The following CPVL variants were observed in gnomAD, a reference collection of about 807,000 sequenced individuals.
CPVL encodes carboxypeptidase vitellogenic like, also known as probable serine carboxypeptidase CPVL.
A neutral mutation model predicts 63.7 loss-of-function variants in CPVL; 51 were observed. The ratio of observed to expected loss-of-function variants is 0.80; its 90% CI spans 0.64 to 1.01. The LOEUF is 1.01. Among genes scored for constraint, CPVL ranks in the 50% least tolerant of loss-of-function variants. The probability of loss-of-function intolerance (pLI) is 0.00; values close to 1 mark genes in which losing one functional copy is unlikely to be tolerated. For missense variants in CPVL, 530 were observed against 573.1 expected (o/e 0.92, Z 0.77); for synonymous variants, 195 against 206.0 (o/e 0.95, Z 0.46).
chr7:29,123,612 AAAAAAAAAAAAAAAAAATAT>A (rs1180640594), intron 1 of CPVL, among the ~76,000 whole-genome samples: 226 of 94,520 alleles, frequency 2.4e-3, no homozygotes, highest in African/African-American at 7.6e-3. Context: ...AAAAAAAAAA[AAAAAAAAAAAAAAAAAATAT>A]ATATATATAT....
intron 12 of CPVL, chr7:29,011,300 A>G (rs56374836): frequency 0.091 from 13,895 of 152,398 alleles, 1,904 homozygotes; most frequent in African/African-American, 0.3. Flanking sequence ...CTGGCTGGGC[A>G]TGGCGGCTCA....
chr7:29,004,705 C>T (rs1784997533), intron 12 of CPVL, among the ~76,000 whole-genome samples: 1 of 152,080 alleles, frequency 6.6e-6, no homozygotes. Context: ...ATTTGGGTGA[C>T]CACTTGTCGC....
At chr7:29,109,459 CTAA>C (rs2128627679) in intron 3 of CPVL, among the ~76,000 whole-genome samples, 2 of 152,242 alleles carry the variant, frequency 1.3e-5, no homozygotes, top group African/African-American at 4.8e-5. Context: ...AGACAATGAA[CTAA>C]TATCTCTGCC....
chr7:29,100,109 T>A (rs1786944337), intron 3 of CPVL, among the ~76,000 whole-genome samples: 1 of 152,142 alleles, frequency 6.6e-6, no homozygotes, highest in South Asian at 2.1e-4. Context: ...AAATTACACA[T>A]ATGAGAGGTA....
chr7:29,122,703 G>A (rs2128643614), intron 1 of CPVL: 1 of 152,326 alleles, frequency 6.6e-6, no homozygotes, highest in Admixed American at 6.5e-5. Context: ...GAGAAGGCCA[G>A]GACTAGGGAG....
chr7:29,069,014 T>G (rs1453148304), intron 9 of CPVL, among the ~76,000 whole-genome samples: 1 of 151,884 alleles, frequency 6.6e-6, no homozygotes, highest in Non-Finnish European at 1.5e-5. Context: ...TTCACCCAGA[T>G]GGGGCACCAT....
At chr7:29,094,978 C>A in intron 5 of CPVL, 106 bp downstream of exon 5, 2 of 822,060 alleles carry the variant, frequency 2.4e-6, no homozygotes, top group Non-Finnish European at 2.0e-6. Context: ...ATTCTATTTT[C>A]AAAAGGAAAA....
At chr7:29,069,435 C>T (rs372324291) in intron 9 of CPVL, among the ~76,000 whole-genome samples, 87 of 70,372 alleles carry the variant, frequency 1.2e-3, no homozygotes, top group African/African-American at 4.1e-3. Context: ...AGCGAGACTC[C>T]GTCTCAAAAA....
chr7:29,094,999 T>C (rs1456143553), intron 5 of CPVL, 85 bp downstream of exon 5: 24 of 957,820 alleles, frequency 2.5e-5, no homozygotes, highest in Middle Eastern at 4.3e-4. Context: ...ACGAAATCTA[T>C]TTTTTAAATG....
At chr7:29,072,215 A>G in intron 8 of CPVL, 86 bp downstream of exon 8, 1 of 1,446,392 alleles carries the variant, frequency 6.9e-7, no homozygotes, top group Non-Finnish European at 9.4e-7. Context: ...ATCAAAAGTT[A>G]GACCTCTAAG....
chr7:29,060,026 C>T (rs1041600544), intron 11 of CPVL, among the ~76,000 whole-genome samples: 2 of 152,188 alleles, frequency 1.3e-5, no homozygotes, highest in Non-Finnish European at 2.9e-5. Context: ...TTCTAAGCTT[C>T]TTACACACTG....
At chr7:29,094,778 AGGTTGAACCG>A (rs1365313883) in intron 5 of CPVL, among the ~76,000 whole-genome samples, 1 of 151,848 alleles carries the variant, frequency 6.6e-6, no homozygotes, top group Non-Finnish European at 1.5e-5. Flanking sequence ...CAGGAGAACC[AGGTTGAACCG>A]GGGAGGCGGA....
chr7:29,002,245 A>G (rs538622590), intron 12 of CPVL, among the ~76,000 whole-genome samples: 43 of 152,340 alleles, frequency 2.8e-4, no homozygotes, highest in African/African-American at 9.1e-4. Context: ...CCTGTCAAGG[A>G]GGGACAGCAC....
intron 11 of CPVL, among the ~76,000 whole-genome samples, chr7:29,046,556 C>T (rs551743481): frequency 1.5e-4 from 14 of 93,248 alleles, no homozygotes; most frequent in Non-Finnish European, 2.1e-4. Context: ...CACACATGCA[C>T]GTGCGCGCGT....
intron 3 of CPVL, among the ~76,000 whole-genome samples, chr7:29,098,554 G>A (rs1786700095): frequency 6.6e-6 from 1 of 152,208 alleles, no homozygotes; most frequent in Non-Finnish European, 1.5e-5. Flanking sequence ...TATGACTAAG[G>A]AAACAGGTAG....
intron 11 of CPVL, among the ~76,000 whole-genome samples, chr7:29,051,368 T>C (rs1790140529): frequency 6.6e-6 from 1 of 152,168 alleles, no homozygotes; most frequent in Admixed American, 6.5e-5. Context: ...AAAGGACTAA[T>C]ATCCAGAATC....
chr7:29,148,664 T>G (rs1470472100), upstream of CPVL: 1 of 152,248 alleles, frequency 6.6e-6, no homozygotes, highest in Non-Finnish European at 1.5e-5. Context: ...CTGACCTTTT[T>G]GGGGTACCCT....
In CPVL at chr7:29,104,659, C is replaced by A. The variant is rs537812587; in HGVS notation, c.288+8045G>T. Among the ~76,000 whole-genome samples the A allele has an allele frequency of 1.2e-4, 18 of 152,282 alleles. No individual in the cohort carries two copies. The East Asian group carries it at 3.3e-3, about 28-fold the overall frequency. On this transcript the variant is annotated intron_variant, in intron 3 of 12. Coordinates refer to ENST00000265394, the MANE Select transcript of CPVL (RefSeq NM_031311.5). Reference sequence around the variant, plus strand: ...TCTCATTGATTTGTACCAGCTTACACCCCATTAGAATCCTAACTTTCTCCT... The same window carrying A: ...TCTCATTGATTTGTACCAGCTTACAACCCATTAGAATCCTAACTTTCTCCT...
At chr7:29,091,311 G>A (rs1304247817) in intron 6 of CPVL, among the ~76,000 whole-genome samples, 1 of 152,034 alleles carries the variant, frequency 6.6e-6, no homozygotes, top group Non-Finnish European at 1.5e-5. Flanking sequence ...TCTTAGAGGG[G>A]GCCCGATGCA....
Sources: allele counts gnomAD v4.1 joint callset (sites outside exome capture counted in the v4.1 genomes callset), GRCh38; gene constraint gnomAD v4.1.1; transcripts MANE v1.5; gene names NCBI Gene and HGNC (gene_info 2026-07-23, HGNC 2026-07-21).